NEMP1: variants seen among roughly 807,000 people sequenced by gnomAD.
NEMP1 encodes transmembrane protein 194.
NEMP1 carries 29 observed loss-of-function variants against 53.7 expected under a neutral mutation model. That is an observed-to-expected ratio of 0.54 (90% CI 0.40 to 0.74). NEMP1 has a LOEUF of 0.74. Among genes scored for constraint, NEMP1 ranks in the 30% least tolerant of loss-of-function variants. NEMP1 has a pLI of 0.00. For missense variants in NEMP1, 477 were observed against 528.6 expected (o/e 0.90, Z 0.96); for synonymous variants, 193 against 192.9 (o/e 1.00, Z 0.00).
chr12:57,066,929 C>T (rs1398184696), intron 4 of NEMP1, among the ~76,000 whole-genome samples: 1 of 152,216 alleles, frequency 6.6e-6, no homozygotes, highest in Non-Finnish European at 1.5e-5. Flanking sequence ...TTGCATTCTG[C>T]CATGATTATG....
intron 1 of NEMP1, among the ~76,000 whole-genome samples, chr12:57,086,697 C>T (rs1010417908): frequency 2.6e-5 from 4 of 152,146 alleles, no homozygotes; most frequent in African/African-American, 9.7e-5. Context: ...GAAGAACAGA[C>T]ATCTCGGCAG....
At chr12:57,086,868 G>T (rs933992555) in intron 1 of NEMP1, among the ~76,000 whole-genome samples, 1 of 152,242 alleles carries the variant, frequency 6.6e-6, no homozygotes, top group Non-Finnish European at 1.5e-5. Flanking sequence ...CGGGTACAGA[G>T]ACACAAACTG....
At chr12:57,081,766 G>C (rs938923379), upstream of NEMP1, among the ~76,000 whole-genome samples, 2 of 148,564 alleles carry the variant, frequency 1.3e-5, no homozygotes, top group Non-Finnish European at 3.0e-5. Context: ...AATTAGTCGG[G>C]CGTGGTGGCA....
rs762481616 is a variant in NEMP1 at position 57,070,692 on chromosome 12, T to A, written c.454A>T (p.Ser152Cys). Residue 152 changes from serine (S) to cysteine (C), a missense_variant, in exon 3 of 9, where the codon AGT (serine) becomes TGT (cysteine). Physicochemically the swap from Ser to Cys is moderately radical, Grantham distance 112 (BLOSUM62 -1). Transcript: ENST00000300128. ...GACTTACTCCGGATCACAATGACACTGTACTTGGTGTCCTTCTCTATAATC... is the reference window on the plus strand; with the variant it reads ...GACTTACTCCGGATCACAATGACACAGTACTTGGTGTCCTTCTCTATAATC... The part of the protein sequence containing the change: ...VEIIEKDTKY[S>C]VIVIRRFDPK... 1 of 1,553,728 alleles carries A rather than the reference T, an allele frequency of 6.4e-7. No individual in the cohort carries two copies. Among genetic ancestry groups the A allele is most frequent in the Non-Finnish European group, 8.7e-7 (1 of 1,147,838 alleles).
At chr12:57,085,230 G>C (rs908279016) in intron 1 of NEMP1, among the ~76,000 whole-genome samples, 2 of 152,050 alleles carry the variant, frequency 1.3e-5, no homozygotes, top group East Asian at 3.8e-4. Flanking sequence ...GTGGTGCAGG[G>C]ATGCAGTGGC....
At chr12:57,071,614 A>T (rs1287929167) in intron 2 of NEMP1, among the ~76,000 whole-genome samples, 1 of 152,112 alleles carries the variant, frequency 6.6e-6, no homozygotes, top group East Asian at 1.9e-4. Flanking sequence ...CCTGACCTCA[A>T]GTGATTTGCC....
chr12:57,075,504 A>AAATC (rs1565665067), intron 1 of NEMP1, among the ~76,000 whole-genome samples: 1 of 136,238 alleles, frequency 7.3e-6, no homozygotes, highest in African/African-American at 3.4e-5. Flanking sequence ...CAATATCAAT[A>AAATC]AATAAATAAA....
At chr12:57,067,979 T>C (rs2032170949) in intron 4 of NEMP1, among the ~76,000 whole-genome samples, 1 of 152,040 alleles carries the variant, frequency 6.6e-6, no homozygotes, top group African/African-American at 2.4e-5. Context: ...CTATGTTACC[T>C]AGGCTGGTCT....
chr12:57,056,317 T>G lies in NEMP1; in HGVS notation c.*3562A>C, dbSNP rs1000549106. On this transcript the variant is annotated 3_prime_UTR_variant, in exon 9 of 9. Transcript: ENST00000300128. ...AAGACATCACTGGGTCATAATTATA[T>G]AGGTTCCCCTAAAAAAATAAAAAAA... 6.6e-6 allele frequency: 1 copy of G among 152,092 alleles called. No homozygotes were observed. Among genetic ancestry groups the G allele is most frequent in the Non-Finnish European group, 1.5e-5 (1 of 68,018 alleles). The allele number at this position is 152,092 out of a possible 1,614,324, so 9.4% of individuals were successfully genotyped here. A position where few individuals can be genotyped will look rare whatever the true frequency, so the allele number is the denominator to read the frequency against.
chr12:57,064,014 A>G (rs1210509258), intron 6 of NEMP1, 57 bp downstream of exon 6: 2 of 1,044,484 alleles, frequency 1.9e-6, no homozygotes, highest in Non-Finnish European at 1.4e-6. Flanking sequence ...TTCATGATCA[A>G]ATTAACTGAA....
At chr12:57,088,220 G>A (rs1640366041), upstream of NEMP1, among the ~76,000 whole-genome samples, 1 of 152,176 alleles carries the variant, frequency 6.6e-6, no homozygotes, top group Admixed American at 6.5e-5. Flanking sequence ...CCTGACCTAC[G>A]CGCTGACAAA....
At chr12:57,078,823 C>T (rs1253676830), upstream of NEMP1, 3 of 1,501,496 alleles carry the variant, frequency 2.0e-6, no homozygotes, top group African/African-American at 1.4e-5. Context: ...GCAGCCTATC[C>T]TCTACGAAAC....
chr12:57,071,772 C>T (rs1418792432), intron 2 of NEMP1, among the ~76,000 whole-genome samples: 2 of 151,834 alleles, frequency 1.3e-5, no homozygotes, highest in African/African-American at 4.8e-5. Context: ...TTGCAGGGAG[C>T]CGAGGTCGTG....
intron 7 of NEMP1, 78 bp from the exon 8 acceptor site, chr12:57,061,023 G>T: frequency 2.1e-6 from 3 of 1,449,074 alleles, no homozygotes; most frequent in Non-Finnish European, 2.8e-6. Flanking sequence ...CCTTCAGTGG[G>T]CCAAGAATAC....
At chr12:57,075,373 G>C (rs1379058089) in intron 1 of NEMP1, among the ~76,000 whole-genome samples, 1 of 149,386 alleles carries the variant, frequency 6.7e-6, no homozygotes, top group African/African-American at 2.5e-5. Flanking sequence ...GGGCGACAGA[G>C]CAAGACTCCA....
intron 7 of NEMP1, among the ~76,000 whole-genome samples, chr12:57,062,309 A>T (rs959852998): frequency 6.6e-6 from 1 of 151,770 alleles, no homozygotes; most frequent in Non-Finnish European, 1.5e-5. Flanking sequence ...GTGAAACCAC[A>T]TCTCTATTAA....
At chr12:57,079,223 A>T (rs1027525993), upstream of NEMP1, among the ~76,000 whole-genome samples, 1 of 152,234 alleles carries the variant, frequency 6.6e-6, no homozygotes, top group Non-Finnish European at 1.5e-5. Flanking sequence ...GGACCCTGAT[A>T]GGACGATTTT....
In NEMP1 at chr12:57,070,659, A is replaced by G. The variant is rs1233808262; in HGVS notation, c.472+15T>C. 1 of 1,546,076 alleles carries G rather than the reference A, an allele frequency of 6.5e-7. No homozygotes were observed. On this transcript the variant is annotated intron_variant, in intron 3 of 8. Transcript: ENST00000300128. Reference sequence around the variant, plus strand: ...TCACTACAGAATCCATCAGAAAAACAGAGGTGAGACTTACTCCGGATCACA... The same window carrying G: ...TCACTACAGAATCCATCAGAAAAACGGAGGTGAGACTTACTCCGGATCACA...
At chr12:57,063,653 C>A (rs1220791736) in intron 6 of NEMP1, among the ~76,000 whole-genome samples, 2 of 152,160 alleles carry the variant, frequency 1.3e-5, no homozygotes, top group Non-Finnish European at 2.9e-5. Context: ...TCAAAGGTTA[C>A]TATCTATATG....
Sources: allele counts gnomAD v4.1 joint callset (sites outside exome capture counted in the v4.1 genomes callset), GRCh38; gene constraint gnomAD v4.1.1; transcripts MANE v1.5; gene names NCBI Gene and HGNC (gene_info 2026-07-23, HGNC 2026-07-21).